Variants in DMXL2 observed in about 807,000 individuals in gnomAD.
DMXL2 encodes Dmx like 2.
In DMXL2, 103 loss-of-function variants were observed where a neutral mutation model predicts 331.1. That is an observed-to-expected ratio of 0.31 (90% confidence interval 0.27 to 0.37). The LOEUF is 0.37. Ranked by LOEUF, DMXL2 falls within the 10% of genes least tolerant of loss-of-function variation. The pLI is 1.00. For missense variants in DMXL2, 3,171 were observed against 3,642.9 expected (o/e 0.87, Z 3.33); for synonymous variants, 1,281 against 1,252.1 (o/e 1.02, Z -0.49).
intron 2 of DMXL2, among the ~76,000 whole-genome samples, chr15:51,569,564 C>T (rs1030403787): frequency 6.6e-6 from 1 of 152,220 alleles, no homozygotes; most frequent in African/African-American, 2.4e-5. Flanking sequence ...CCTACAGACA[C>T]CACATACAGG....
chr15:51,551,895 A>C (rs2049244285), intron 6 of DMXL2, among the ~76,000 whole-genome samples: 1 of 152,232 alleles, frequency 6.6e-6, no homozygotes, highest in Non-Finnish European at 1.5e-5. Context: ...AGAAAGAAGC[A>C]GAGGGCACCA....
intron 20 of DMXL2, among the ~76,000 whole-genome samples, chr15:51,488,882 T>C (rs2042593525): frequency 6.6e-6 from 1 of 152,196 alleles, no homozygotes; most frequent in Non-Finnish European, 1.5e-5. Context: ...TTATTGACTA[T>C]TTACCACGTC....
At chr15:51,606,980 A>C (rs367874532) in intron 1 of DMXL2, among the ~76,000 whole-genome samples, 29 of 152,264 alleles carry the variant, frequency 1.9e-4, no homozygotes, top group African/African-American at 6.7e-4. Flanking sequence ...CAACATGGCG[A>C]AACCCTGTCC....
In DMXL2 at chr15:51,576,182, C is replaced by CAAAAAAAAA. The variant is rs781167032; in HGVS notation, c.88-2_88-1insTTTTTTTTT. 1 of 734,610 alleles carries CAAAAAAAAA rather than the reference C, an allele frequency of 1.4e-6. No homozygotes were observed. 45.5% of individuals were successfully genotyped at this position (734,610 alleles called of 1,614,324 possible). On this transcript the variant is annotated splice_acceptor_variant, in intron 1 of 43. Coordinates refer to ENST00000560891, the MANE Select transcript of DMXL2 (RefSeq NM_001378457.1). LOFTEE classifies it high-confidence loss of function. ...CAATATCACAGCCTGATCCATATGCCTAAAAAAAAAAAAAAAAAAAAGTTT... is the reference window on the plus strand; with the variant it reads ...CAATATCACAGCCTGATCCATATGCCAAAAAAAAATAAAAAAAAAAAAAAAAAAAAGTTT...
intron 13 of DMXL2, among the ~76,000 whole-genome samples, chr15:51,524,843 G>A (rs2047579428): frequency 6.6e-6 from 1 of 152,000 alleles, no homozygotes; most frequent in African/African-American, 2.4e-5. Context: ...ACTCCTAGAT[G>A]AGTCCTAGGG....
Position 51,502,918 on chromosome 15 carries a change from T to G in DMXL2, c.2880A>C (p.Ser960=), listed in dbSNP as rs2043778576. ...TACTGGCAGTTTGAAGATTGGCAAT[T>G]GATGAAGAATGTGGCATGGGGCTCA... ...PSVSPMPHSS[S]IANLQTASKL... is the part of the protein sequence containing the mutation. The change falls in exon 17 of 44, where the codon TCA becomes TCC. Residue 960 remains serine, a synonymous_variant. Transcript: ENST00000560891. 1 of 1,613,976 alleles carries G rather than the reference T, an allele frequency of 6.2e-7. No homozygotes were observed. Among genetic ancestry groups the G allele is most frequent in the East Asian group, 2.2e-5 (1 of 44,874 alleles).
intron 40 of DMXL2, chr15:51,453,949 G>A (rs2039389481): frequency 4.3e-6 from 1 of 233,292 alleles, no homozygotes; most frequent in Non-Finnish European, 8.2e-6. Context: ...CAATTTTAGT[G>A]CTAATGATCT....
chr15:51,616,105 T>C lies in DMXL2; in HGVS notation c.87+6354A>G, dbSNP rs550757461. 3.9e-5 allele frequency among the ~76,000 whole-genome samples: 6 copies of C among 152,302 alleles called. No individual in the cohort carries two copies. The East Asian group carries it at 1.2e-3, about 29-fold the overall frequency. On this transcript the variant is annotated intron_variant, in intron 1 of 43. Coordinates refer to ENST00000560891, the MANE Select transcript of DMXL2 (RefSeq NM_001378457.1). ...CCAAGGCTCAGTTTTTAGAAGACAG[T>C]GGACCTAAAGGAACATCTCTCCAAT...
rs1375429955 is a variant in DMXL2, at chr15:51,591,958, G to C, written c.88-15777C>G. 2.6e-5 allele frequency among the ~76,000 whole-genome samples: 4 copies of C among 152,128 alleles called. No individual in the cohort carries two copies. In the South Asian group the frequency reaches 6.2e-4, roughly 24 times the overall value. On this transcript the variant is annotated intron_variant, in intron 1 of 43. Coordinates refer to ENST00000560891, the MANE Select transcript of DMXL2 (RefSeq NM_001378457.1). ...GACCAAAGGTAGATAAAACCACAAA[G>C]ATGGGGAAAAAACAGAGCAGAAAAA...
chr15:51,458,587 A>T lies in DMXL2; in HGVS notation c.8117T>A (p.Val2706Asp). ...NEIVLASTHD[V>D]QELDVTSLLA... ...TAGAGAAGTAACATCAAGTTCTTGA[A>T]CATCATGTGTTGAAGCCAAAACAAT... is the stretch of plus-strand genomic sequence containing the variant. The change falls in exon 36 of 44, where the codon GTT (valine) becomes GAT (aspartate). Residue 2706 changes from valine (V) to aspartate (D), a missense_variant. Physicochemically the swap from Val to Asp is radical, Grantham distance 152. Transcript: ENST00000560891. 1 of 1,614,014 alleles carries T rather than the reference A, an allele frequency of 6.2e-7. No homozygotes were observed.
At chr15:51,564,349 T>C in intron 4 of DMXL2, 89 bp from the exon 5 acceptor site, 2 of 997,628 alleles carry the variant, frequency 2.0e-6, no homozygotes, top group Non-Finnish European at 2.7e-6. Flanking sequence ...TGTAAACTAT[T>C]AATATTATGT....
chr15:51,622,694 C>G lies in DMXL2; in HGVS notation c.-149G>C. 7.2e-7 allele frequency: 1 copy of G among 1,397,718 alleles called. No homozygotes were observed. The highest frequency in any genetic ancestry group is 1.5e-5 in the African/African-American group (1 of 67,326). The allele number at this position is 1,397,718 out of a possible 1,614,324, so 86.6% of individuals were successfully genotyped here. A position where few individuals can be genotyped will look rare whatever the true frequency, so the allele number is the denominator to read the frequency against. On this transcript the variant is annotated 5_prime_UTR_variant, in exon 1 of 44. Coordinates refer to ENST00000560891, the MANE Select transcript of DMXL2 (RefSeq NM_001378457.1). ...GGCTTAACTCCTCGCCCCCCTTTCG[C>G]CTTCCCTCCGCCTCGTCCCTGCCAT...
Position 51,476,653 on chromosome 15 carries a change from T to TC in DMXL2, c.6899dup (p.Arg2301LysfsTer8), listed in dbSNP as rs2041607130. On this transcript the variant is annotated frameshift_variant, in exon 27 of 44. Transcript: ENST00000560891. LOFTEE classifies it high-confidence loss of function. ...CTTCAATGCTTTCTGTCCTTAGTCT[T>TC]CTACGATCACTTAAAAGAAGTCCTT... 1 of 1,611,764 alleles carries TC rather than the reference T, an allele frequency of 6.2e-7. No homozygotes were observed. Among genetic ancestry groups the TC allele is most frequent in the African/African-American group, 1.3e-5 (1 of 74,766 alleles).
chr15:51,614,381 C>G (rs2054161741), intron 1 of DMXL2, among the ~76,000 whole-genome samples: 1 of 152,156 alleles, frequency 6.6e-6, no homozygotes, highest in South Asian at 2.1e-4. Context: ...CTCTACACTC[C>G]AGGTATTTGT....
At position 51,454,744 on chromosome 15, in the gene DMXL2, C is replaced by T. The variant is rs71472909; in HGVS notation, c.8604+407G>A. 3.5e-3 allele frequency among the ~76,000 whole-genome samples: 526 copies of T among 152,212 alleles called. 2 individuals carry two copies. Among genetic ancestry groups the T allele is most frequent in the Non-Finnish European group, 4.2e-3 (287 of 67,996 alleles). ...ACTCCTGACCTTGTGATCTGCCCGC[C>T]TCGGCCTCCCAAAGTGCTGGGATTA... On this transcript the variant is annotated intron_variant, in intron 40 of 43. Transcript: ENST00000560891.
chr15:51,485,927 T>C, intron 23 of DMXL2, 146 bp downstream of exon 23: 1 of 819,892 alleles, frequency 1.2e-6, no homozygotes, highest in South Asian at 2.2e-5. Context: ...TATCTAATCC[T>C]TTAGACACAC....
intron 1 of DMXL2, among the ~76,000 whole-genome samples, chr15:51,592,941 T>C (rs566643713): frequency 2.4e-4 from 36 of 152,278 alleles, no homozygotes; most frequent in African/African-American, 8.7e-4. Context: ...GAACAACCAG[T>C]ACCAGCCACT....
At chr15:51,559,400 T>C (rs2049807819) in intron 6 of DMXL2, among the ~76,000 whole-genome samples, 1 of 152,228 alleles carries the variant, frequency 6.6e-6, no homozygotes, top group African/African-American at 2.4e-5. Flanking sequence ...GCCTCATTAA[T>C]AATCAGGGAA....
chr15:51,515,912 G>A (rs1943245914), intron 14 of DMXL2, among the ~76,000 whole-genome samples: 1 of 152,072 alleles, frequency 6.6e-6, no homozygotes, highest in African/African-American at 2.4e-5. Flanking sequence ...GAAATCACAG[G>A]CTGAATCTGA....
Sources: allele counts gnomAD v4.1 joint callset (sites outside exome capture counted in the v4.1 genomes callset), GRCh38; gene constraint gnomAD v4.1.1; transcripts MANE v1.5; gene names NCBI Gene and HGNC (gene_info 2026-07-23, HGNC 2026-07-21).